The following CADM2 variants were observed in gnomAD, a reference collection of about 807,000 sequenced individuals.
CADM2 encodes immunoglobulin superfamily member 4D.
CADM2 carries 12 observed loss-of-function variants against 49.8 expected under a neutral mutation model. The ratio of observed to expected loss-of-function variants is 0.24; its 90% CI spans 0.15 to 0.39. The LOEUF (loss-of-function observed/expected upper bound fraction) is 0.39. CADM2 is among the 10% of genes least tolerant of loss of function. The probability of loss-of-function intolerance (pLI) is 1.00; values close to 1 mark genes in which losing one functional copy is unlikely to be tolerated. For synonymous variants in CADM2, 214 were observed against 175.4 expected (o/e 1.22, Z -1.74); for missense variants, 378 against 492.3 (o/e 0.77, Z 2.20).
At chr3:85,921,684 A>G (rs1259356690) in intron 6 of CADM2, among the ~76,000 whole-genome samples, 1 of 152,084 alleles carries the variant, frequency 6.6e-6, no homozygotes, top group Non-Finnish European at 1.5e-5. Flanking sequence ...CATCCTTTAC[A>G]TTAGGGTTCA....
chr3:85,260,573 AATAC>A (rs1412934851), intron 1 of CADM2, among the ~76,000 whole-genome samples: 1 of 152,170 alleles, frequency 6.6e-6, no homozygotes, highest in Non-Finnish European at 1.5e-5. Context: ...TACTCCATGA[AATAC>A]ATGGTGCCTG....
intron 1 of CADM2, among the ~76,000 whole-genome samples, chr3:85,080,935 T>C (rs2037138985): frequency 6.6e-6 from 1 of 152,106 alleles, no homozygotes; most frequent in South Asian, 2.1e-4. Flanking sequence ...GTACATTACA[T>C]ATATAGGTCA....
intron 8 of CADM2, among the ~76,000 whole-genome samples, chr3:86,016,282 A>T (rs1732219808): frequency 6.6e-6 from 1 of 152,146 alleles, no homozygotes; most frequent in South Asian, 2.1e-4. Context: ...GTATGCAAAC[A>T]TCTACCTATA....
At chr3:85,512,302 A>C (rs2040655567) in intron 1 of CADM2, among the ~76,000 whole-genome samples, 2 of 152,114 alleles carry the variant, frequency 1.3e-5, no homozygotes, top group Non-Finnish European at 2.9e-5. Context: ...TTCACTTAGG[A>C]GAATGGCCTC....
intron 8 of CADM2, among the ~76,000 whole-genome samples, chr3:86,052,653 T>C (rs1335524058): frequency 6.6e-6 from 1 of 152,148 alleles, no homozygotes; most frequent in Non-Finnish European, 1.5e-5. Context: ...TTTATAGGCA[T>C]ATTTGCCACT....
At chr3:85,628,613 T>TATACACA (rs2064203092) in intron 1 of CADM2, among the ~76,000 whole-genome samples, 2 of 16,576 alleles carry the variant, frequency 1.2e-4, no homozygotes, top group African/African-American at 1.5e-3. Flanking sequence ...ATATATACAT[T>TATACACA]TATATACATA....
At chr3:85,850,112 G>T (rs2075037457) in intron 3 of CADM2, among the ~76,000 whole-genome samples, 1 of 151,904 alleles carries the variant, frequency 6.6e-6, no homozygotes, top group African/African-American at 2.4e-5. Flanking sequence ...TATTTATATG[G>T]CAGCAAACTA....
intron 6 of CADM2, among the ~76,000 whole-genome samples, chr3:85,918,386 G>T (rs1320289051): frequency 6.6e-6 from 1 of 152,092 alleles, no homozygotes; most frequent in Admixed American, 6.6e-5. Flanking sequence ...TTTGTCAAAG[G>T]CCTTTTCAGC....
chr3:85,737,683 G>A (rs546882902), intron 2 of CADM2, among the ~76,000 whole-genome samples: 20 of 150,696 alleles, frequency 1.3e-4, no homozygotes, highest in African/African-American at 3.4e-4. Flanking sequence ...TCAGCCTCCC[G>A]AGTAGCTGGG....
At chr3:85,359,789 A>G (rs528965075) in intron 1 of CADM2, among the ~76,000 whole-genome samples, 1 of 149,256 alleles carries the variant, frequency 6.7e-6, no homozygotes, top group Non-Finnish European at 1.5e-5. Context: ...CCTTGTCCAT[A>G]CTGCCTTGCA....
At chr3:85,604,155 T>A (rs2063489485) in intron 1 of CADM2, among the ~76,000 whole-genome samples, 1 of 151,950 alleles carries the variant, frequency 6.6e-6, no homozygotes, top group Non-Finnish European at 1.5e-5. Context: ...ATAATTTACT[T>A]GATGTTTTAC....
intron 1 of CADM2, among the ~76,000 whole-genome samples, chr3:85,465,166 A>AC (rs1186925640): frequency 6.6e-6 from 1 of 152,094 alleles, no homozygotes; most frequent in Non-Finnish European, 1.5e-5. Context: ...AAACAAAACA[A>AC]AACAACAACA....
chr3:85,490,071 A>AT (rs60880662), intron 1 of CADM2, among the ~76,000 whole-genome samples: 3 of 149,170 alleles, frequency 2.0e-5, no homozygotes, highest in South Asian at 2.1e-4. Flanking sequence ...TGAGTCCATT[A>AT]ATTAGAGAAC....
intron 1 of CADM2, among the ~76,000 whole-genome samples, chr3:85,495,587 A>T (rs935859915): frequency 1.3e-5 from 2 of 152,082 alleles, no homozygotes; most frequent in African/African-American, 4.8e-5. Context: ...TTGCTGATTT[A>T]TCCTAACCAA....
At chr3:85,929,613 C>A (rs942420399) in intron 6 of CADM2, among the ~76,000 whole-genome samples, 18 of 151,840 alleles carry the variant, frequency 1.2e-4, no homozygotes, top group African/African-American at 4.1e-4. Flanking sequence ...ACAATCCATT[C>A]ATTTTGATAT....
chr3:85,058,035 T>C (rs1576130299), intron 1 of CADM2, among the ~76,000 whole-genome samples: 3 of 152,244 alleles, frequency 2.0e-5, no homozygotes, highest in Admixed American at 2.0e-4. Context: ...CTTAAATTGG[T>C]GTAGCAAACA....
At chr3:85,380,418 A>G (rs1217608351) in intron 1 of CADM2, among the ~76,000 whole-genome samples, 1 of 152,036 alleles carries the variant, frequency 6.6e-6, no homozygotes, top group African/African-American at 2.4e-5. Flanking sequence ...GCATTTTAAC[A>G]CAATCTTAGA....
At chr3:85,544,192 G>T (rs1234418822) in intron 1 of CADM2, among the ~76,000 whole-genome samples, 1 of 152,162 alleles carries the variant, frequency 6.6e-6, no homozygotes. Context: ...GTAAAGGAGA[G>T]AAAAATTCAC....
At chr3:85,996,773 T>C (rs1477688133) in intron 8 of CADM2, among the ~76,000 whole-genome samples, 1 of 152,212 alleles carries the variant, frequency 6.6e-6, no homozygotes, top group Non-Finnish European at 1.5e-5. Context: ...TTTTGGAAAC[T>C]TGTTTTTAAT....
Sources: allele counts gnomAD v4.1 joint callset (sites outside exome capture counted in the v4.1 genomes callset), GRCh38; gene constraint gnomAD v4.1.1; transcripts MANE v1.5; gene names NCBI Gene and HGNC (gene_info 2026-07-23, HGNC 2026-07-21).